The following TOP6BL variants were observed in gnomAD, a reference collection of about 807,000 sequenced individuals.
TOP6BL encodes type 2 DNA topoisomerase 6 subunit B-like.
At chr11:66,789,237 A>C in the TOP6BL span, among the ~76,000 whole-genome samples, 2 of 152,190 alleles carry the variant, frequency 1.3e-5, no homozygotes, top group African/African-American at 4.8e-5. Flanking sequence ...CCCAGTGCAG[A>C]TCCTACCTGG....
chr11:66,795,451 G>A, the TOP6BL span, among the ~76,000 whole-genome samples: 1 of 151,776 alleles, frequency 6.6e-6, no homozygotes, highest in Non-Finnish European at 1.5e-5. Context: ...GCAGGCGCAT[G>A]CCACCACACC....
the TOP6BL span, chr11:66,838,537 C>A: frequency 2.6e-6 from 3 of 1,173,638 alleles, no homozygotes; most frequent in South Asian, 1.3e-5. Flanking sequence ...ACTGTACCTT[C>A]TACTACAGCG....
At chr11:66,809,018 C>T in the TOP6BL span, among the ~76,000 whole-genome samples, 1 of 152,148 alleles carries the variant, frequency 6.6e-6, no homozygotes, top group Non-Finnish European at 1.5e-5. Context: ...CGATCTGGCT[C>T]ACTGCAAGCT....
chr11:66,769,318 A>G, the TOP6BL span, among the ~76,000 whole-genome samples: 1,352 of 152,324 alleles, frequency 8.9e-3, 22 homozygotes, highest in African/African-American at 0.03. Context: ...GGATTAGGCA[A>G]TGTTTTCTTG....
chr11:66,812,486 A>G, the TOP6BL span, among the ~76,000 whole-genome samples: 10 of 152,024 alleles, frequency 6.6e-5, no homozygotes, highest in Admixed American at 5.9e-4. Context: ...CTGAGTTTGC[A>G]TCTTAAAAAT....
chr11:66,815,178 T>A, the TOP6BL span, among the ~76,000 whole-genome samples: 19 of 152,326 alleles, frequency 1.2e-4, no homozygotes, highest in East Asian at 3.7e-3. Flanking sequence ...ACTGGTGAAT[T>A]TCTAGGGATC....
chr11:66,746,806 G>A, the TOP6BL span, among the ~76,000 whole-genome samples: 1 of 152,160 alleles, frequency 6.6e-6, no homozygotes, highest in Admixed American at 6.5e-5. Flanking sequence ...AGCCCGGGAG[G>A]TTGAGGCTGC....
chr11:66,838,779 T>C, the TOP6BL span, among the ~76,000 whole-genome samples: 1 of 152,204 alleles, frequency 6.6e-6, no homozygotes, highest in East Asian at 1.9e-4. Flanking sequence ...TCGCCCAGGC[T>C]GGAGTGCAGT....
At chr11:66,805,246 A>G in the TOP6BL span, among the ~76,000 whole-genome samples, 1 of 152,070 alleles carries the variant, frequency 6.6e-6, no homozygotes, top group African/African-American at 2.4e-5. Context: ...AAAAAATAAA[A>G]ATAAAATAAC....
the TOP6BL span, among the ~76,000 whole-genome samples, chr11:66,789,690 G>C: frequency 6.6e-6 from 1 of 152,166 alleles, no homozygotes; most frequent in Non-Finnish European, 1.5e-5. Context: ...GCAGTAAGTT[G>C]TATACATAAC....
chr11:66,815,957 C>A, the TOP6BL span: 1 of 1,252,284 alleles, frequency 8.0e-7, no homozygotes, highest in Non-Finnish European at 1.1e-6. Context: ...CTCCTATTCT[C>A]AGATCCTTCT....
the TOP6BL span, among the ~76,000 whole-genome samples, chr11:66,807,550 A>C: frequency 6.6e-6 from 1 of 152,160 alleles, no homozygotes; most frequent in Non-Finnish European, 1.5e-5. Context: ...CAGCCTGGGC[A>C]ACAAGAGTGA....
chr11:66,810,549 A>G, the TOP6BL span, among the ~76,000 whole-genome samples: 1,648 of 152,228 alleles, frequency 0.011, 37 homozygotes, highest in African/African-American at 0.037. Context: ...CAGGCTGGAG[A>G]GGAAAGATGG....
At chr11:66,783,395 GTAGA>G in the TOP6BL span, among the ~76,000 whole-genome samples, 45 of 152,224 alleles carry the variant, frequency 3.0e-4, no homozygotes, top group Admixed American at 7.8e-4. Flanking sequence ...TAGATGATAG[GTAGA>G]TAGATAAGTA....
At chr11:66,758,917 C>A in the TOP6BL span, 1 of 495,988 alleles carries the variant, frequency 2.0e-6, no homozygotes, top group Non-Finnish European at 3.4e-6. Context: ...TTTTACCAAA[C>A]TCATTAGTAG....
the TOP6BL span, chr11:66,822,738 T>A: frequency 8.6e-7 from 1 of 1,161,182 alleles, no homozygotes; most frequent in Non-Finnish European, 1.3e-6. Flanking sequence ...GTACGGTGGC[T>A]CATGCCTATA....
chr11:66,758,302 C>CTTTTTTTTTTTTTTTTTTTTTTTT, the TOP6BL span: 10 of 67,328 alleles, frequency 1.5e-4, 1 homozygote, highest in East Asian at 4.9e-4. Flanking sequence ...TTTTCTTTTT[C>CTTTTTTTTTTTTTTTTTTTTTTTT]TTTTTTTTTT....
At chr11:66,826,568 A>G in the TOP6BL span, among the ~76,000 whole-genome samples, 4 of 152,232 alleles carry the variant, frequency 2.6e-5, no homozygotes, top group Non-Finnish European at 5.9e-5. Context: ...TGGATAGCAC[A>G]GGGTAGTGAA....
At chr11:66,758,302 C>CTTTTCTTTTTTTTTTTT in the TOP6BL span, 3 of 67,318 alleles carry the variant, frequency 4.5e-5, no homozygotes, top group East Asian at 4.9e-4. Context: ...TTTTCTTTTT[C>CTTTTCTTTTTTTTTTTT]TTTTTTTTTT....
Sources: allele counts gnomAD v4.1 joint callset (sites outside exome capture counted in the v4.1 genomes callset), GRCh38; gene constraint gnomAD v4.1.1; transcripts MANE v1.5; gene names NCBI Gene and HGNC (gene_info 2026-07-23, HGNC 2026-07-21).